COL23A1: variants seen among roughly 807,000 people sequenced by gnomAD.
COL23A1 encodes collagen alpha-1(XXIII) chain.
Under a neutral mutation model 99.3 loss-of-function variants are expected in COL23A1, and 97 were observed. The ratio of observed to expected loss-of-function variants is 0.98; its 90% CI spans 0.83 to 1.16. The LOEUF is 1.16. COL23A1 is among the 50% of genes most tolerant of loss of function. COL23A1 has a pLI of 0.00. For synonymous variants in COL23A1, 320 were observed against 308.2 expected, an observed-to-expected ratio of 1.04 and a Z score of -0.40; for missense variants, 762 against 757.4, an observed-to-expected ratio of 1.01 and a Z score of -0.07.
chr5:178,480,846 C>A (rs924800387), intron 2 of COL23A1, among the ~76,000 whole-genome samples: 5 of 152,068 alleles, frequency 3.3e-5, no homozygotes, highest in African/African-American at 1.2e-4. Context: ...TTCTTAACAT[C>A]AACATTAAAT....
chr5:178,334,566 T>A (rs145356629), intron 2 of COL23A1, among the ~76,000 whole-genome samples: 2 of 152,084 alleles, frequency 1.3e-5, no homozygotes, highest in African/African-American at 4.8e-5. Flanking sequence ...CCGCTGGGAG[T>A]GTTACCTAGC....
chr5:178,575,356 T>A (rs55943617), intron 1 of COL23A1, among the ~76,000 whole-genome samples: 2,822 of 148,266 alleles, frequency 0.019, 80 homozygotes, highest in African/African-American at 0.065. Context: ...AATGAAGGAG[T>A]GGCCCCTCTT....
intron 2 of COL23A1, among the ~76,000 whole-genome samples, chr5:178,329,663 G>C (rs892752654): frequency 5.3e-5 from 8 of 152,186 alleles, no homozygotes; most frequent in Non-Finnish European, 1.0e-4. Context: ...ACACATGGCT[G>C]GGCCCAGTGG....
At chr5:178,368,748 T>C (rs1416196954) in intron 2 of COL23A1, among the ~76,000 whole-genome samples, 2 of 152,236 alleles carry the variant, frequency 1.3e-5, no homozygotes, top group Non-Finnish European at 2.9e-5. Flanking sequence ...CACAGCGACT[T>C]CCTTCCAGGA....
chr5:178,268,347 C>T (rs1174423003), intron 7 of COL23A1, among the ~76,000 whole-genome samples: 5 of 152,182 alleles, frequency 3.3e-5, no homozygotes. Flanking sequence ...AGCTGTCCGC[C>T]TTGTCTTCCT....
intron 2 of COL23A1, among the ~76,000 whole-genome samples, chr5:178,526,033 C>T (rs988313875): frequency 1.3e-4 from 20 of 152,338 alleles, no homozygotes; most frequent in Admixed American, 3.9e-4. Flanking sequence ...GCAGGCCCAG[C>T]GGAGGCGAGT....
intron 2 of COL23A1, among the ~76,000 whole-genome samples, chr5:178,389,993 G>A (rs1020636847): frequency 6.6e-6 from 1 of 152,166 alleles, no homozygotes; most frequent in Non-Finnish European, 1.5e-5. Flanking sequence ...CTAGCAGCGG[G>A]GTGCTCAGAG....
chr5:178,352,854 A>C (rs918861535), intron 2 of COL23A1, among the ~76,000 whole-genome samples: 17 of 152,200 alleles, frequency 1.1e-4, no homozygotes, highest in African/African-American at 4.1e-4. Context: ...CTGTTTGTCC[A>C]TCCTCCTCAC....
rs762824176 is a variant in COL23A1 at position 178,548,039 on chromosome 5, C to CCACAAACACACCCACT, written c.361+12642_361+12643insAGTGGGTGTGTTTGTG. Among the ~76,000 whole-genome samples, 123 of 80,172 alleles carry CCACAAACACACCCACT rather than the reference C, an allele frequency of 1.5e-3. 6 individuals carry two copies. Among genetic ancestry groups the CCACAAACACACCCACT allele is most frequent in the African/African-American group, 3.8e-3 (66 of 17,446 alleles). The allele number at this position is 80,172 out of a possible 152,430, so 52.6% of individuals were successfully genotyped here. On this transcript the variant is annotated intron_variant, in intron 2 of 28. Coordinates refer to ENST00000390654, the MANE Select transcript of COL23A1 (RefSeq NM_173465.4). ...CACACCCACCCACAAACACACCCAC[C>CCACAAACACACCCACT]CCCACACCCACACACACATACCCCC...
chr5:178,435,526 C>T (rs985848113), intron 2 of COL23A1, among the ~76,000 whole-genome samples: 2 of 152,230 alleles, frequency 1.3e-5, no homozygotes, highest in African/African-American at 4.8e-5. Flanking sequence ...GGTGGCGTTC[C>T]ATCCCAGCTC....
chr5:178,328,763 GT>G (rs1289703437), intron 2 of COL23A1, among the ~76,000 whole-genome samples: 21 of 152,296 alleles, frequency 1.4e-4, no homozygotes, highest in Admixed American at 6.5e-4. Context: ...CCCCGTCAAC[GT>G]TAGTTCTAGA....
intron 1 of COL23A1, among the ~76,000 whole-genome samples, chr5:178,573,030 C>T (rs765565129): frequency 5.3e-5 from 8 of 151,998 alleles, no homozygotes; most frequent in Non-Finnish European, 1.5e-5. Context: ...ATCAGTGGCA[C>T]GTTGGTGGCA....
intron 2 of COL23A1, among the ~76,000 whole-genome samples, chr5:178,375,317 G>T (rs979170966): frequency 6.6e-6 from 1 of 152,200 alleles, no homozygotes; most frequent in Non-Finnish European, 1.5e-5. Flanking sequence ...TCTTCCGCAG[G>T]GGATGAAAAG....
intron 2 of COL23A1, among the ~76,000 whole-genome samples, chr5:178,462,090 T>C (rs892348200): frequency 6.6e-6 from 1 of 152,246 alleles, no homozygotes; most frequent in Non-Finnish European, 1.5e-5. Context: ...TTATTAAGCA[T>C]TTTGGAAGGA....
At chr5:178,547,517 CCA>C (rs1476774499) in intron 2 of COL23A1, among the ~76,000 whole-genome samples, 4 of 127,796 alleles carry the variant, frequency 3.1e-5, no homozygotes, top group Non-Finnish European at 5.1e-5. Flanking sequence ...ACCCCCACAC[CCA>C]CACACTCACA....
intron 2 of COL23A1, among the ~76,000 whole-genome samples, chr5:178,347,889 A>AC (rs1389745354): frequency 6.7e-5 from 8 of 118,962 alleles, no homozygotes; most frequent in African/African-American, 1.4e-4. Flanking sequence ...CAAAAAAAAA[A>AC]AAAAAAAACC....
chr5:178,507,943 CTGA>C, intron 2 of COL23A1, among the ~76,000 whole-genome samples: 1 of 152,326 alleles, frequency 6.6e-6, no homozygotes, highest in East Asian at 1.9e-4. Context: ...TTCTAGCATT[CTGA>C]TGACACAAAT....
rs532660340 is a variant in COL23A1 at position 178,547,538 on chromosome 5, C to T, written c.361+13144G>A. On this transcript the variant is annotated intron_variant, in intron 2 of 28. Coordinates refer to ENST00000390654, the MANE Select transcript of COL23A1 (RefSeq NM_173465.4). ...ACACCCACACACTCACACCCACAAA[C>T]ACACCCACACACCCCCATACACACC... 1.1e-3 allele frequency among the ~76,000 whole-genome samples: 137 copies of T among 119,432 alleles called. 1 individual carries two copies. Among genetic ancestry groups the T allele is most frequent in the African/African-American group, 4.4e-3 (133 of 30,198 alleles). The allele number at this position is 119,432 out of a possible 152,430, so 78.4% of individuals were successfully genotyped here. A position where few individuals can be genotyped will look rare whatever the true frequency, so the allele number is the denominator to read the frequency against.
Position 178,445,475 on chromosome 5 carries a change from T to G in COL23A1, c.361+115207A>C, listed in dbSNP as rs149298400. 1.5e-3 allele frequency among the ~76,000 whole-genome samples: 227 copies of G among 152,322 alleles called. 2 individuals are homozygous for G. The highest frequency in any genetic ancestry group is 5.1e-3 in the African/African-American group (210 of 41,578). Reference sequence around the variant, plus strand: ...ACATGTTTATTCTCCTAGATGAAATTTATAATTATGTAGTCAAATTCCCAA... The same window carrying G: ...ACATGTTTATTCTCCTAGATGAAATGTATAATTATGTAGTCAAATTCCCAA... On this transcript the variant is annotated intron_variant, in intron 2 of 28. Transcript: ENST00000390654.
Sources: gnomAD v4.1 joint callset for allele counts (sites outside exome capture counted in the v4.1 genomes callset) on GRCh38, gnomAD v4.1.1 for gene constraint, MANE v1.5 for transcripts, NCBI Gene and HGNC (gene_info 2026-07-23, HGNC 2026-07-21) for gene names.